FDFT1: variants seen among roughly 807,000 people sequenced by gnomAD.
FDFT1 encodes squalene synthase.
A neutral mutation model predicts 46.8 loss-of-function variants in FDFT1; 68 were observed. That is an observed-to-expected ratio of 1.45 (90% CI 1.19 to 1.78). The LOEUF (loss-of-function observed/expected upper bound fraction) is 1.78. Ranked by LOEUF, FDFT1 falls within the 40% of genes most tolerant of loss-of-function variation. FDFT1 has a pLI of 0.00. For synonymous variants in FDFT1, 351 were observed against 185.1 expected (o/e 1.90, Z -7.28); for missense variants, 928 against 524.4 (o/e 1.77, Z -7.52).
upstream of FDFT1, chr8:11,802,718 G>GC (rs1806282248): frequency 6.2e-6 from 5 of 800,814 alleles, no homozygotes; most frequent in Admixed American, 2.2e-5. Context: ...TACTAGGCCT[G>GC]CCCCCTGTCC....
chr8:11,829,354 AT>A (rs1554526529), intron 5 of FDFT1, among the ~76,000 whole-genome samples: 1 of 152,232 alleles, frequency 6.6e-6, no homozygotes, highest in Non-Finnish European at 1.5e-5. Context: ...ATCATTAAAA[AT>A]CATCAAGCCG....
chr8:11,833,109 G>A (rs547812301), intron 7 of FDFT1, among the ~76,000 whole-genome samples: 5 of 152,190 alleles, frequency 3.3e-5, no homozygotes, highest in Non-Finnish European at 5.9e-5. Flanking sequence ...AGACCACATC[G>A]CTTTTAAAAA....
chr8:11,811,565 G>C (rs975202017), intron 3 of FDFT1, among the ~76,000 whole-genome samples: 2 of 152,254 alleles, frequency 1.3e-5, no homozygotes, highest in African/African-American at 4.8e-5. Context: ...CAACATGTTT[G>C]TGAAACTTCA....
At chr8:11,801,515 T>A (rs1806114459), upstream of FDFT1, among the ~76,000 whole-genome samples, 1 of 152,158 alleles carries the variant, frequency 6.6e-6, no homozygotes, top group African/African-American at 2.4e-5. Context: ...AGACGCAGTT[T>A]CAGCATGTTG....
At chr8:11,837,609 A>G (rs527988265) in intron 7 of FDFT1, among the ~76,000 whole-genome samples, 3 of 152,232 alleles carry the variant, frequency 2.0e-5, no homozygotes, top group East Asian at 1.9e-4. Context: ...GGTCTGGACC[A>G]TGGGTGGCCT....
chr8:11,802,602 G>T (rs982877616), upstream of FDFT1: 4 of 599,532 alleles, frequency 6.7e-6, no homozygotes, highest in Middle Eastern at 2.8e-4. Context: ...AGTGTGAGCG[G>T]CCCTGGCCAA....
chr8:11,821,682 C>A lies in FDFT1; in HGVS notation c.382-68C>A. The A allele has an allele frequency of 1.9e-6, 3 of 1,559,332 alleles. No homozygotes were observed. In the South Asian group the frequency reaches 3.4e-5, roughly 17 times the overall value. Reference sequence around the variant, plus strand: ...CATGATTAATTCCGCCATTGTTTGCCTTGTGATCTTTGGTGCCATGTCTGT... The same window carrying A: ...CATGATTAATTCCGCCATTGTTTGCATTGTGATCTTTGGTGCCATGTCTGT... On this transcript the variant is annotated intron_variant, in intron 3 of 7. Coordinates refer to ENST00000220584, the MANE Select transcript of FDFT1 (RefSeq NM_004462.5).
chr8:11,812,568 C>G (rs1334927626), intron 3 of FDFT1, among the ~76,000 whole-genome samples: 3 of 152,208 alleles, frequency 2.0e-5, no homozygotes, highest in Non-Finnish European at 2.9e-5. Context: ...AAATTCAAAC[C>G]TGAATCAACC....
At chr8:11,829,400 T>A (rs988606334) in intron 5 of FDFT1, among the ~76,000 whole-genome samples, 1 of 152,234 alleles carries the variant, frequency 6.6e-6, no homozygotes, top group Non-Finnish European at 1.5e-5. Flanking sequence ...TTTATTTCAC[T>A]TTCAAGTTAT....
intron 5 of FDFT1, among the ~76,000 whole-genome samples, 200 bp from the exon 6 acceptor site, chr8:11,830,044 C>T (rs1433299584): frequency 2.6e-5 from 4 of 152,058 alleles, no homozygotes; most frequent in East Asian, 1.9e-4. Flanking sequence ...CACAGGGTTT[C>T]ACCACCTTGG....
chr8:11,837,176 A>T (rs1213872988), intron 7 of FDFT1, among the ~76,000 whole-genome samples: 2 of 152,264 alleles, frequency 1.3e-5, no homozygotes, highest in African/African-American at 4.8e-5. Context: ...TGAGACTGGA[A>T]CAGAGGTGTG....
At chr8:11,822,099 G>A (rs1809333806) in intron 4 of FDFT1, among the ~76,000 whole-genome samples, 1 of 152,198 alleles carries the variant, frequency 6.6e-6, no homozygotes, top group Admixed American at 6.5e-5. Flanking sequence ...TAGGGTACTG[G>A]AGAGAAGTGC....
At chr8:11,835,666 A>C (rs1811436952) in intron 7 of FDFT1, among the ~76,000 whole-genome samples, 1 of 152,198 alleles carries the variant, frequency 6.6e-6, no homozygotes, top group Non-Finnish European at 1.5e-5. Context: ...GGTTATAAGT[A>C]CAACAGGCTA....
chr8:11,814,623 A>G (rs994509901), intron 3 of FDFT1, among the ~76,000 whole-genome samples: 4 of 152,200 alleles, frequency 2.6e-5, no homozygotes, highest in South Asian at 2.1e-4. Flanking sequence ...TTAAAACAAG[A>G]TATTTGGGCA....
In FDFT1 at chr8:11,838,301, A is replaced by G. The variant is rs142452672; in HGVS notation, c.1033-87A>G. 6,747 of 1,020,556 alleles carry G rather than the reference A, an allele frequency of 6.6e-3. 39 individuals are homozygous for G. The highest frequency in any genetic ancestry group is 9.3e-3 in the Non-Finnish European group (6,104 of 655,168). The allele number at this position is 1,020,556 out of a possible 1,614,324, so 63.2% of individuals were successfully genotyped here. ...TTCCTCATTGGTAAAATGGGTATAA[A>G]ATACCTGCCAGTGGAGGGTTGTTGT... On this transcript the variant is annotated intron_variant, in intron 7 of 7. Transcript: ENST00000220584.
chr8:11,834,515 C>T (rs887094255), intron 7 of FDFT1, among the ~76,000 whole-genome samples: 1 of 152,186 alleles, frequency 6.6e-6, no homozygotes, highest in East Asian at 1.9e-4. Flanking sequence ...AGGTGCCTAG[C>T]TGCTCAAGGA....
At chr8:11,830,189 T>C in intron 5 of FDFT1, 55 bp from the exon 6 acceptor site, 1 of 1,389,598 alleles carries the variant, frequency 7.2e-7, no homozygotes, top group South Asian at 1.2e-5. Flanking sequence ...ATATTGTTTG[T>C]AAATTCTCCC....
chr8:11,820,538 T>C (rs1367095113), intron 3 of FDFT1, among the ~76,000 whole-genome samples: 1 of 152,160 alleles, frequency 6.6e-6, no homozygotes, highest in Non-Finnish European at 1.5e-5. Flanking sequence ...TTGTTTACAC[T>C]GTGAGCATAG....
intron 7 of FDFT1, among the ~76,000 whole-genome samples, chr8:11,834,244 G>C (rs182472769): frequency 6.6e-6 from 1 of 152,172 alleles, no homozygotes; most frequent in Non-Finnish European, 1.5e-5. Flanking sequence ...AGGTCTTCAC[G>C]AGCAGTTGGC....
Sources: allele counts gnomAD v4.1 joint callset (sites outside exome capture counted in the v4.1 genomes callset), GRCh38; gene constraint gnomAD v4.1.1; transcripts MANE v1.5; gene names NCBI Gene and HGNC (gene_info 2026-07-23, HGNC 2026-07-21).